ADGRD1: variants seen among roughly 807,000 people sequenced by gnomAD.
ADGRD1 encodes the protein adhesion G protein-coupled receptor D1.
A neutral mutation model predicts 113.4 loss-of-function variants in ADGRD1; 77 were observed. That is an observed-to-expected ratio of 0.68 (90% CI 0.57 to 0.82). ADGRD1 has a LOEUF of 0.82. ADGRD1 is among the 40% of genes least tolerant of loss of function. ADGRD1 has a pLI of 0.00. For synonymous variants in ADGRD1, 474 were observed against 475.0 expected, an observed-to-expected ratio of 1.00 and a Z score of 0.03; for missense variants, 1,036 against 1,139.1, an observed-to-expected ratio of 0.91 and a Z score of 1.30.
At chr12:131,044,307 C>T (rs558840777) in intron 13 of ADGRD1, among the ~76,000 whole-genome samples, 68 of 152,248 alleles carry the variant, frequency 4.5e-4, no homozygotes, top group African/African-American at 1.6e-3. Context: ...AGCATCGGGG[C>T]CGAGGAGGCC....
chr12:130,969,099 C>A, intron 3 of ADGRD1: 1 of 1,289,808 alleles, frequency 7.8e-7, no homozygotes, highest in Non-Finnish European at 1.1e-6. Context: ...TTTTGTTCTT[C>A]GTTCTGTCAA....
intron 8 of ADGRD1, among the ~76,000 whole-genome samples, chr12:130,998,223 G>C (rs1181254302): frequency 6.6e-6 from 1 of 152,010 alleles, no homozygotes; most frequent in Non-Finnish European, 1.5e-5. Context: ...GGGAGAGGGA[G>C]AGCAGAAATC....
At chr12:131,110,250 A>G (rs529382571) in intron 18 of ADGRD1, among the ~76,000 whole-genome samples, 1 of 152,156 alleles carries the variant, frequency 6.6e-6, no homozygotes, top group Admixed American at 6.5e-5. Flanking sequence ...TGTTTTCTAT[A>G]TGTCTACTAT....
In ADGRD1 at chr12:131,114,917, C is replaced by A. The variant is rs556781046; in HGVS notation, c.2042-3468C>A. 2.6e-5 allele frequency among the ~76,000 whole-genome samples: 4 copies of A among 152,280 alleles called. No homozygotes were observed. In the South Asian group the frequency reaches 8.3e-4, roughly 32 times the overall value. On this transcript the variant is annotated intron_variant, in intron 18 of 24. Transcript: ENST00000261654. ...TGAAGCAGACAAGAAACTCTGATTG[C>A]AAACTCAGAGGTGAAGAGAATGTAA...
chr12:131,008,255 C>T (rs1050573992), intron 12 of ADGRD1, among the ~76,000 whole-genome samples: 8 of 152,228 alleles, frequency 5.3e-5, no homozygotes, highest in African/African-American at 1.4e-4. Context: ...ATCCTGGGCA[C>T]GATGAGAAGC....
chr12:131,030,254 C>T (rs142247021), intron 13 of ADGRD1, among the ~76,000 whole-genome samples: 2 of 142,912 alleles, frequency 1.4e-5, no homozygotes, highest in East Asian at 3.9e-4. Flanking sequence ...GTTGTGGACC[C>T]GTCGTAGGTG....
At position 131,075,252 on chromosome 12, in the gene ADGRD1, G is replaced by A. The variant is rs1223909874; in HGVS notation, c.1474-1549G>A. Among the ~76,000 whole-genome samples, 6 of 152,154 alleles carry A rather than the reference G, an allele frequency of 3.9e-5. No homozygotes were observed. The highest frequency in any genetic ancestry group is 8.8e-5 in the Non-Finnish European group (6 of 68,028). On this transcript the variant is annotated intron_variant, in intron 13 of 24. Transcript: ENST00000261654. The surrounding 1 kb of genome is among the most constrained non-coding windows in gnomAD (Gnocchi z 5.3). The stretch of plus-strand genomic sequence containing the variant: ...TGGCCCTGGTGTAGCCTGGGCCCAA[G>A]GAAGCCTCATTACACCCCTCCGAGA...
intron 13 of ADGRD1, among the ~76,000 whole-genome samples, chr12:131,016,892 C>CAA (rs11401802): frequency 0.11 from 16,244 of 144,930 alleles, 995 homozygotes; most frequent in Middle Eastern, 0.15. Flanking sequence ...GACTCTGCCT[C>CAA]AAAAAAAAAA....
At chr12:131,031,261 G>A (rs922173133) in intron 13 of ADGRD1, among the ~76,000 whole-genome samples, 11 of 152,154 alleles carry the variant, frequency 7.2e-5, no homozygotes, top group Non-Finnish European at 1.6e-4. Flanking sequence ...TCACGTCTGG[G>A]GCAGCCTTGG....
Position 131,088,447 on chromosome 12 carries a change from C to T in ADGRD1, c.1671+3784C>T, listed in dbSNP as rs1410949741. The stretch of plus-strand genomic sequence containing the variant: ...CTCTAAAACGCAGTCCTGGTGATGC[C>T]GGAGCTGTTTGAAAGACGGAAGCCC... On this transcript the variant is annotated intron_variant, in intron 15 of 24. Coordinates refer to ENST00000261654, the MANE Select transcript of ADGRD1 (RefSeq NM_198827.5). Among the ~76,000 whole-genome samples the T allele has an allele frequency of 3.9e-5, 6 of 152,196 alleles. No individual in the cohort carries two copies. The East Asian group carries it at 7.7e-4, about 20-fold the overall frequency.
intron 12 of ADGRD1, among the ~76,000 whole-genome samples, chr12:131,006,442 C>G (rs1464735051): frequency 6.6e-6 from 1 of 152,178 alleles, no homozygotes; most frequent in Non-Finnish European, 1.5e-5. Flanking sequence ...AAGTGGAAGG[C>G]CAGGAAACTG....
chr12:130,994,237 C>T, intron 8 of ADGRD1: 2 of 452,966 alleles, frequency 4.4e-6, no homozygotes, highest in Non-Finnish European at 8.9e-6. Flanking sequence ...CAGGACCGGG[C>T]GTGAGGCCCC....
At chr12:131,123,278 C>G (rs1950650139) in intron 20 of ADGRD1, among the ~76,000 whole-genome samples, 1 of 151,314 alleles carries the variant, frequency 6.6e-6, no homozygotes, top group South Asian at 2.1e-4. Context: ...CTCCTGACCT[C>G]AGGTGATCCA....
rs1879459573 is a variant in ADGRD1, at chr12:131,022,697, T to C, written c.1473+8357T>C. Reference sequence around the variant, plus strand: ...TCCTTACATTCAGGCATTAAAGATATGCTGGGCTCATGGAATCGGCTCTTT... The same window carrying C: ...TCCTTACATTCAGGCATTAAAGATACGCTGGGCTCATGGAATCGGCTCTTT... On this transcript the variant is annotated intron_variant, in intron 13 of 24. Transcript: ENST00000261654. This position sits in a 1 kb window ranked among gnomAD's most constrained non-coding sequence, Gnocchi z 4.6. 1 of 152,142 alleles carries C rather than the reference T, an allele frequency of 6.6e-6. No individual in the cohort carries two copies. The highest frequency in any genetic ancestry group is 1.5e-5 in the Non-Finnish European group (1 of 68,038). 9.4% of individuals were successfully genotyped at this position (152,142 alleles called of 1,614,324 possible). A position where few individuals can be genotyped will look rare whatever the true frequency, so the allele number is the denominator to read the frequency against.
intron 20 of ADGRD1, among the ~76,000 whole-genome samples, chr12:131,124,573 C>T (rs1387453351): frequency 6.6e-6 from 1 of 152,182 alleles, no homozygotes; most frequent in Non-Finnish European, 1.5e-5. Context: ...CACTGTGGGG[C>T]CTGCTGGGCC....
At chr12:131,044,798 C>T (rs1593109359) in intron 13 of ADGRD1, among the ~76,000 whole-genome samples, 1 of 152,238 alleles carries the variant, frequency 6.6e-6, no homozygotes, top group Admixed American at 6.5e-5. Flanking sequence ...CAGCGGCGCT[C>T]TGGGAGACTT....
At chr12:131,032,930 G>A (rs1309308508) in intron 13 of ADGRD1, among the ~76,000 whole-genome samples, 2 of 64,644 alleles carry the variant, frequency 3.1e-5, no homozygotes, top group Non-Finnish European at 6.5e-5. Context: ...TAGAGAAATC[G>A]CCACCCCGTC....
intron 19 of ADGRD1, among the ~76,000 whole-genome samples, chr12:131,118,824 A>T (rs931152229): frequency 6.6e-6 from 1 of 152,204 alleles, no homozygotes; most frequent in Non-Finnish European, 1.5e-5. Flanking sequence ...CAGCAAGCGC[A>T]CTGTGCAGAC....
chr12:130,974,660 ATT>A (rs139702281), intron 4 of ADGRD1, among the ~76,000 whole-genome samples: 7,124 of 152,200 alleles, frequency 0.047, 357 homozygotes, highest in African/African-American at 0.13. Context: ...CTGCTTTTAT[ATT>A]TCTGATTTCC....
Sources: gnomAD v4.1 joint callset for allele counts (sites outside exome capture counted in the v4.1 genomes callset) on GRCh38, gnomAD v4.1.1 for gene constraint, Gnocchi (gnomAD v3.1) non-coding constraint, MANE v1.5 for transcripts, NCBI Gene and HGNC (gene_info 2026-07-23, HGNC 2026-07-21) for gene names.